Variants in FXR2 observed in about 807,000 individuals in gnomAD.
FXR2 encodes RNA-binding protein FXR2.
In FXR2, 9 loss-of-function variants were observed where a neutral mutation model predicts 87.3. The ratio of observed to expected loss-of-function variants is 0.10; its 90% confidence interval spans 0.06 to 0.18. The LOEUF is 0.18. Among genes scored for constraint, FXR2 ranks in the 10% least tolerant of loss-of-function variants. The probability of loss-of-function intolerance (pLI) is 1.00; values close to 1 mark genes in which losing one functional copy is unlikely to be tolerated. For synonymous variants in FXR2, 331 were observed against 328.3 expected (o/e 1.01, Z -0.09); for missense variants, 661 against 893.6 (o/e 0.74, Z 3.32).
chr17:7,609,960 A>G (rs1189717148), intron 1 of FXR2, among the ~76,000 whole-genome samples: 1 of 74,408 alleles, frequency 1.3e-5, no homozygotes, highest in South Asian at 3.5e-4. Context: ...GTATACATAT[A>G]TATACATGTA....
rs143935252 is a variant in FXR2 at position 7,607,604 on chromosome 17, T to C, written c.82-1455A>G. On this transcript the variant is annotated intron_variant, in intron 1 of 16. Transcript: ENST00000250113. The stretch of plus-strand genomic sequence containing the variant: ...CACCACACCAGGCTAATTTTTTATA[T>C]TTTTAGTAGAGACGGGGTTTCACCA... Among the ~76,000 whole-genome samples the C allele has an allele frequency of 8.0e-3, 1,219 of 151,934 alleles. 13 individuals carry two copies. Among genetic ancestry groups the C allele is most frequent in the Non-Finnish European group, 8.0e-3 (546 of 67,956 alleles).
In FXR2 at chr17:7,594,771, A is replaced by G; in HGVS notation, c.832-14T>C. On this transcript the variant is annotated splice_polypyrimidine_tract_variant and intron_variant, in intron 8 of 16. Coordinates refer to ENST00000250113, the MANE Select transcript of FXR2 (RefSeq NM_004860.4). This position sits in a 1 kb window ranked among gnomAD's most constrained non-coding sequence, Gnocchi z 5.1. Reference sequence around the variant, plus strand: ...AGCCTCGGGAGTCTAAAGGAAGAACAGCAGGGAGTTGTTACTAAAACAGAA... The same window carrying G: ...AGCCTCGGGAGTCTAAAGGAAGAACGGCAGGGAGTTGTTACTAAAACAGAA... 1.9e-6 allele frequency: 3 copies of G among 1,563,252 alleles called. No homozygotes were observed. The highest frequency in any genetic ancestry group is 2.6e-6 in the Non-Finnish European group (3 of 1,133,646).
rs1418035591 is a variant in FXR2 at position 7,595,929 on chromosome 17, C to G, written c.726G>C (p.Leu242=). The G allele has an allele frequency of 6.2e-7, 1 of 1,613,456 alleles. No individual in the cohort carries two copies. Among genetic ancestry groups the G allele is most frequent in the South Asian group, 1.1e-5 (1 of 91,076 alleles). ...TGTTGGCACCGTGAGTCCCAATTGC[C>G]AGTCCCATCAGGTCCTCTCGCACTG... ...EFTVREDLMG[L]AIGTHGANIQ... is the part of the protein sequence containing the mutation. The change falls in exon 8 of 17, where the codon CTG becomes CTC. Residue 242 remains leucine (L), a synonymous_variant. Coordinates refer to ENST00000250113, the MANE Select transcript of FXR2 (RefSeq NM_004860.4). The surrounding 1 kb of genome is among the most constrained non-coding windows in gnomAD (Gnocchi z 4.7).
At chr17:7,601,665 A>G (rs1422574519) in intron 6 of FXR2, 140 bp from the exon 7 acceptor site, 8 of 592,278 alleles carry the variant, frequency 1.4e-5, no homozygotes, top group Non-Finnish European at 2.1e-5. Flanking sequence ...GCGGTGGCTC[A>G]TGCCTGCAAT....
chr17:7,603,043 G>A lies in FXR2; in HGVS notation c.450-41C>T, dbSNP rs192633334. ...GTACTCAGCGGGCAGAATGCAGAGA[G>A]TACAGTGAAGAGTTCGGGGGAGGCT... On this transcript the variant is annotated intron_variant, in intron 5 of 16. Coordinates refer to ENST00000250113, the MANE Select transcript of FXR2 (RefSeq NM_004860.4). 8.1e-6 allele frequency: 8 copies of A among 993,440 alleles called. No homozygotes were observed. The East Asian group carries it at 2.0e-4, about 25-fold the overall frequency. 61.5% of individuals were successfully genotyped at this position (993,440 alleles called of 1,614,324 possible).
rs1436729873 is a variant in FXR2, at chr17:7,595,477, T to TG, written c.831+346dup. Among the ~76,000 whole-genome samples the TG allele has an allele frequency of 6.7e-6, 1 of 148,592 alleles. No homozygotes were observed. Among genetic ancestry groups the TG allele is most frequent in the African/African-American group, 2.5e-5 (1 of 40,718 alleles). On this transcript the variant is annotated intron_variant, in intron 8 of 16. Transcript: ENST00000250113. This position sits in a 1 kb window ranked among gnomAD's most constrained non-coding sequence, Gnocchi z 4.7. ...AACGTTTTTTGGTTTTTGGTTTTTT[T>TG]GGGGGGTAAAGACAGGGTCTCTCTA...
At position 7,601,421 on chromosome 17, in the gene FXR2, G is replaced by T; in HGVS notation, c.648C>A (p.Thr216=). ...LLLMSRNEEA[T]KHLETSKQLA... The stretch of plus-strand genomic sequence containing the variant: ...AGCTAAAAGTTACCTCTAGGTGCTT[G>T]GTAGCTTCTTCATTGCGGGACATAA... The change falls in exon 7 of 17, where the codon ACC becomes ACA. Residue 216 remains threonine, a synonymous_variant. Transcript: ENST00000250113. 1 of 1,601,932 alleles carries T rather than the reference G, an allele frequency of 6.2e-7. No individual in the cohort carries two copies. Among genetic ancestry groups the T allele is most frequent in the Non-Finnish European group, 8.6e-7 (1 of 1,169,024 alleles).
At chr17:7,608,312 G>A (rs1040553013) in intron 1 of FXR2, among the ~76,000 whole-genome samples, 1 of 151,292 alleles carries the variant, frequency 6.6e-6, no homozygotes, top group Non-Finnish European at 1.5e-5. Context: ...TATCCTTTCT[G>A]GCCAGGGGCG....
chr17:7,603,304 G>T (rs2071774611), intron 5 of FXR2, among the ~76,000 whole-genome samples: 1 of 151,990 alleles, frequency 6.6e-6, no homozygotes, highest in African/African-American at 2.4e-5. Flanking sequence ...GAGGCAGGCG[G>T]ATCACTTGAG....
chr17:7,596,073 A>G (rs858525), intron 7 of FXR2, 79 bp from the exon 8 acceptor site: 19 of 1,065,598 alleles, frequency 1.8e-5, no homozygotes, highest in Non-Finnish European at 2.7e-5. Flanking sequence ...CATAACTTAA[A>G]TAAGGAAAAC....
chr17:7,599,223 C>T (rs1567749946), intron 7 of FXR2, among the ~76,000 whole-genome samples: 7 of 151,476 alleles, frequency 4.6e-5, no homozygotes, highest in African/African-American at 1.7e-4. Context: ...CACTTGAGCT[C>T]GGGGGGTAGA....
At chr17:7,610,620 C>T (rs988014349) in intron 1 of FXR2, among the ~76,000 whole-genome samples, 3 of 152,192 alleles carry the variant, frequency 2.0e-5, no homozygotes, top group African/African-American at 4.8e-5. Context: ...CTTCATATTC[C>T]AATCCTGTCT....
At chr17:7,605,531 G>A (rs2071796051) in intron 3 of FXR2, 114 bp downstream of exon 3, 11 of 631,234 alleles carry the variant, frequency 1.7e-5, no homozygotes, top group Non-Finnish European at 3.2e-5. Context: ...ATTTCCATAG[G>A]CTACATGGCT....
At position 7,605,904 on chromosome 17, in the gene FXR2, T is replaced by C. The variant is rs2071799513; in HGVS notation, c.135-166A>G. ...TAGTGTCTTCCATCTCTTTCTAGAC[T>C]CTAAATACTGGGTCAAATGCCCCCA... On this transcript the variant is annotated intron_variant, in intron 2 of 16. Transcript: ENST00000250113. The C allele has an allele frequency of 1.2e-5, 8 of 644,666 alleles. No individual in the cohort carries two copies. In the South Asian group the frequency reaches 1.5e-4, roughly 12 times the overall value. The allele number at this position is 644,666 out of a possible 1,614,324, so 39.9% of individuals were successfully genotyped here.
rs2076913744 is a variant in FXR2 at position 7,592,216 on chromosome 17, A to C, written c.1926+38T>G. On this transcript the variant is annotated intron_variant, in intron 16 of 16. Coordinates refer to ENST00000250113, the MANE Select transcript of FXR2 (RefSeq NM_004860.4). This position sits in a 1 kb window ranked among gnomAD's most constrained non-coding sequence, Gnocchi z 4.8. ...GTGCCCCCTGCCCCAGAGTAACAAC[A>C]AAAAAGGGATGGGGTAAAGCACATC... 6.4e-7 allele frequency: 1 copy of C among 1,551,950 alleles called. No individual in the cohort carries two copies. The highest frequency in any genetic ancestry group is 1.4e-5 in the African/African-American group (1 of 73,538).
rs767163283 is a variant in FXR2, at chr17:7,592,652, C to A, written c.1729+42G>T. The A allele has an allele frequency of 8.1e-6, 13 of 1,612,562 alleles. No homozygotes were observed. In the Middle Eastern group the frequency reaches 4.9e-4, roughly 61 times the overall value. On this transcript the variant is annotated intron_variant, in intron 14 of 16. Transcript: ENST00000250113. This position sits in a 1 kb window ranked among gnomAD's most constrained non-coding sequence, Gnocchi z 4.8. ...CACATCCAACCTCCCACCCTCGATTCCTACCCATCTCTAACTTTCCAGACC... is the reference window on the plus strand; with the variant it reads ...CACATCCAACCTCCCACCCTCGATTACTACCCATCTCTAACTTTCCAGACC...
Position 7,595,415 on chromosome 17 carries a change from T to C in FXR2, c.831+409A>G, listed in dbSNP as rs1567748710. Among the ~76,000 whole-genome samples, 1 of 151,950 alleles carries C rather than the reference T, an allele frequency of 6.6e-6. No individual in the cohort carries two copies. Among genetic ancestry groups the C allele is most frequent in the Non-Finnish European group, 1.5e-5 (1 of 67,988 alleles). On this transcript the variant is annotated intron_variant, in intron 8 of 16. Coordinates refer to ENST00000250113, the MANE Select transcript of FXR2 (RefSeq NM_004860.4). The surrounding 1 kb of genome is among the most constrained non-coding windows in gnomAD (Gnocchi z 4.7). ...TGCCTCCGCCTCCCAAGTAGCCAAG[T>C]AGCTGGGGCCACAGATGCATGCCAC... is the stretch of plus-strand genomic sequence containing the variant.
At position 7,592,605 on chromosome 17, in the gene FXR2, G is replaced by A. The variant is rs753874985; in HGVS notation, c.1730-6C>T. 2 of 1,613,528 alleles carry A rather than the reference G, an allele frequency of 1.2e-6. No homozygotes were observed. The highest frequency in any genetic ancestry group is 2.2e-5 in the South Asian group (2 of 91,070). On this transcript the variant is annotated splice_polypyrimidine_tract_variant and splice_region_variant and intron_variant, in intron 14 of 16. Transcript: ENST00000250113. The surrounding 1 kb of genome is among the most constrained non-coding windows in gnomAD (Gnocchi z 4.8). ...TTGAGGTCTTGATTCATCTTCTGTA[G>A]GGTAGGAAAAAACCAGAGTCACACA...
At chr17:7,596,085 G>A (rs2071705140) in intron 7 of FXR2, 91 bp from the exon 8 acceptor site, 3 of 964,934 alleles carry the variant, frequency 3.1e-6, no homozygotes, top group Non-Finnish European at 4.8e-6. Flanking sequence ...AAGGAAAACT[G>A]TGTGATATTA....
Sources: gnomAD v4.1 joint callset for allele counts (sites outside exome capture counted in the v4.1 genomes callset) on GRCh38, gnomAD v4.1.1 for gene constraint, Gnocchi (gnomAD v3.1) non-coding constraint, MANE v1.5 for transcripts, NCBI Gene and HGNC (gene_info 2026-07-23, HGNC 2026-07-21) for gene names.